Variants in SPOCK3 observed in about 807,000 individuals in gnomAD.
SPOCK3 encodes SPARC (osteonectin), cwcv and kazal like domains proteoglycan 3, also known as testican-3.
A neutral mutation model predicts 56.6 loss-of-function variants in SPOCK3; 30 were observed. The observed-to-expected ratio is 0.53, with a 90% CI of 0.40 to 0.72. The LOEUF (loss-of-function observed/expected upper bound fraction) is 0.72, where lower values mean the gene tolerates loss of function less well. Ranked by LOEUF, SPOCK3 falls within the 30% of genes least tolerant of loss-of-function variation. The pLI, the probability that SPOCK3 is intolerant of heterozygous loss-of-function variation, is 0.00. For missense variants in SPOCK3, 527 were observed against 530.0 expected, an observed-to-expected ratio of 0.99 and a Z score of 0.06; for synonymous variants, 196 against 183.3, an observed-to-expected ratio of 1.07 and a Z score of -0.56.
intron 7 of SPOCK3, among the ~76,000 whole-genome samples, chr4:166,769,442 T>C (rs1026274641): frequency 2.0e-5 from 3 of 152,232 alleles, no homozygotes; most frequent in African/African-American, 4.8e-5. Flanking sequence ...TGGAGTTTGC[T>C]GGAGGTCCAC....
intron 5 of SPOCK3, among the ~76,000 whole-genome samples, chr4:166,904,465 A>G (rs79997160): frequency 0.027 from 4,056 of 152,220 alleles, 165 homozygotes; most frequent in African/African-American, 0.082. Context: ...TTCCAAAGGT[A>G]CTGTACATAC....
At chr4:166,839,890 G>A (rs1747053760) in intron 6 of SPOCK3, among the ~76,000 whole-genome samples, 1 of 152,264 alleles carries the variant, frequency 6.6e-6, no homozygotes, top group East Asian at 1.9e-4. Context: ...AAAGTCCCCT[G>A]GGTTTTGTAA....
At chr4:166,985,342 T>A (rs1032246122) in intron 4 of SPOCK3, among the ~76,000 whole-genome samples, 1 of 152,120 alleles carries the variant, frequency 6.6e-6, no homozygotes, top group African/African-American at 2.4e-5. Context: ...AGGCAACAAT[T>A]CAAATCTTCC....
chr4:166,815,084 T>C (rs1190935654), intron 6 of SPOCK3, among the ~76,000 whole-genome samples: 3 of 152,114 alleles, frequency 2.0e-5, no homozygotes. Context: ...AGTTCCCTTG[T>C]GTATGCATAT....
At chr4:166,950,011 G>A (rs966529729) in intron 4 of SPOCK3, among the ~76,000 whole-genome samples, 8 of 150,602 alleles carry the variant, frequency 5.3e-5, no homozygotes, top group Non-Finnish European at 1.2e-4. Flanking sequence ...TCGAGACTAG[G>A]AAGAAACTGC....
At chr4:167,075,697 A>G (rs2150277542) in intron 2 of SPOCK3, among the ~76,000 whole-genome samples, 1 of 152,086 alleles carries the variant, frequency 6.6e-6, no homozygotes, top group Non-Finnish European at 1.5e-5. Flanking sequence ...GCTGGAATTC[A>G]GTAGCATGAC....
chr4:166,995,246 T>TGTGC (rs1289936593), intron 4 of SPOCK3, among the ~76,000 whole-genome samples: 1 of 21,824 alleles, frequency 4.6e-5, no homozygotes, highest in Admixed American at 1.2e-3. Flanking sequence ...CATGTATGTA[T>TGTGC]GTATGTGTGT....
chr4:166,983,631 A>G (rs1042616971), intron 4 of SPOCK3, among the ~76,000 whole-genome samples: 1 of 152,098 alleles, frequency 6.6e-6, no homozygotes, highest in African/African-American at 2.4e-5. Context: ...GAGGATTTTG[A>G]ATGCTCTCAA....
At chr4:167,195,285 T>C (rs904455260) in intron 2 of SPOCK3, among the ~76,000 whole-genome samples, 5 of 152,146 alleles carry the variant, frequency 3.3e-5, no homozygotes, top group African/African-American at 1.2e-4. Flanking sequence ...TTACCCCTTG[T>C]CCCATTTTCA....
intron 2 of SPOCK3, among the ~76,000 whole-genome samples, chr4:167,106,716 T>C (rs1182742335): frequency 1.3e-5 from 2 of 151,046 alleles, no homozygotes; most frequent in African/African-American, 4.8e-5. Flanking sequence ...AGTTGTTTTT[T>C]TTTTTTGAAA....
intron 5 of SPOCK3, among the ~76,000 whole-genome samples, chr4:166,911,811 C>G (rs181508895): frequency 5.4e-4 from 82 of 152,274 alleles, no homozygotes; most frequent in Middle Eastern, 6.8e-3. Flanking sequence ...GCTGGGGTTA[C>G]AGGCGTGAAC....
intron 2 of SPOCK3, among the ~76,000 whole-genome samples, chr4:167,065,782 A>G (rs1392745497): frequency 1.3e-5 from 2 of 151,880 alleles, no homozygotes; most frequent in East Asian, 3.9e-4. Flanking sequence ...TTCAGGCGCA[A>G]TTTCTTTTGT....
At chr4:167,086,937 T>C (rs1403368374) in intron 2 of SPOCK3, among the ~76,000 whole-genome samples, 1 of 152,108 alleles carries the variant, frequency 6.6e-6, no homozygotes, top group African/African-American at 2.4e-5. Flanking sequence ...TAAGTAAAGG[T>C]AGTTTAGGGA....
intron 4 of SPOCK3, among the ~76,000 whole-genome samples, chr4:166,923,202 G>GT (rs1165094519): frequency 6.6e-6 from 1 of 152,048 alleles, no homozygotes; most frequent in Non-Finnish European, 1.5e-5. Flanking sequence ...ACTTTCTCCT[G>GT]TTTTTGTCTG....
At chr4:166,864,403 G>A (rs1173743362) in intron 6 of SPOCK3, among the ~76,000 whole-genome samples, 1 of 152,082 alleles carries the variant, frequency 6.6e-6, no homozygotes, top group Non-Finnish European at 1.5e-5. Context: ...AATTTCAAAA[G>A]CTAGCAGAAG....
At chr4:167,205,830 G>A (rs1580622214) in intron 2 of SPOCK3, among the ~76,000 whole-genome samples, 1 of 122,108 alleles carries the variant, frequency 8.2e-6, no homozygotes, top group Non-Finnish European at 1.7e-5. Flanking sequence ...GCCTGGTCTT[G>A]GAACTCCTGA....
intron 3 of SPOCK3, among the ~76,000 whole-genome samples, chr4:167,048,004 C>G (rs997358454): frequency 2.6e-5 from 4 of 151,976 alleles, no homozygotes; most frequent in African/African-American, 9.7e-5. Context: ...GAGCCAAGAT[C>G]GTGTCACTGC....
intron 2 of SPOCK3, among the ~76,000 whole-genome samples, chr4:167,212,311 G>C (rs959469506): frequency 6.7e-6 from 1 of 149,548 alleles, no homozygotes; most frequent in Non-Finnish European, 1.5e-5. Flanking sequence ...GTGTGATCTC[G>C]GCTCACAGCA....
At chr4:167,184,357 A>G (rs1731769239) in intron 2 of SPOCK3, among the ~76,000 whole-genome samples, 1 of 152,158 alleles carries the variant, frequency 6.6e-6, no homozygotes, top group African/African-American at 2.4e-5. Context: ...TATGTCTTAA[A>G]TGCTCCTAAT....
Sources: gnomAD v4.1 joint callset for allele counts (sites outside exome capture counted in the v4.1 genomes callset) on GRCh38, gnomAD v4.1.1 for gene constraint, MANE v1.5 for transcripts, NCBI Gene and HGNC (gene_info 2026-07-23, HGNC 2026-07-21) for gene names.